The following ADSS2 variants were observed in gnomAD, a reference collection of about 807,000 sequenced individuals.
The protein encoded by ADSS2 is adenylosuccinate synthase 2.
Under a neutral mutation model 60.0 loss-of-function variants are expected in ADSS2, and 30 were observed. The observed-to-expected ratio is 0.50, with a 90% CI of 0.37 to 0.68. ADSS2 has a LOEUF of 0.68. ADSS2 is among the 30% of genes least tolerant of loss of function. The probability of loss-of-function intolerance (pLI) is 0.00; values close to 1 mark genes in which losing one functional copy is unlikely to be tolerated. For synonymous variants in ADSS2, 187 were observed against 193.1 expected (o/e 0.97, Z 0.26); for missense variants, 373 against 554.8 (o/e 0.67, Z 3.29).
Position 244,432,585 on chromosome 1 carries a change from G to A in ADSS2, c.366C>T (p.Gly122=), listed in dbSNP as rs1664970912. 3.2e-6 allele frequency: 5 copies of A among 1,568,000 alleles called. No homozygotes were observed. Among genetic ancestry groups the A allele is most frequent in the Non-Finnish European group, 3.5e-6 (4 of 1,153,020 alleles). The change falls in exon 4 of 13, where the codon GGC becomes GGT. Residue 122 remains glycine, a synonymous_variant. Coordinates refer to ENST00000366535, the MANE Select transcript of ADSS2 (RefSeq NM_001126.5). The part of the protein sequence containing the change: ...KNVQKGKGLE[G]WEKRLIISDR... ...CAGATATAATAAGCCTTTTTTCCCA[G>A]CCTTCTAGTCCTAGAAAGGGGAAAA...
rs1201920523 is a variant in ADSS2, at chr1:244,420,199, G to A, written c.761C>T (p.Ala254Val). Reference protein sequence around the residue: ...GPPKKILVEGANAALLDIDFG... With the variant: ...GPPKKILVEGVNAALLDIDFG... The stretch of plus-strand genomic sequence containing the variant: ...ATCAATATCTAATAGTGCTGCATTT[G>A]CACCTTCTACCAAGATTTTCTTTGG... The change falls in exon 8 of 13, where the codon GCA becomes GTA. Residue 254 changes from alanine (A) to valine (V), a missense_variant. Coordinates refer to ENST00000366535, the MANE Select transcript of ADSS2 (RefSeq NM_001126.5). 6.2e-7 allele frequency: 1 copy of A among 1,613,606 alleles called. No individual in the cohort carries two copies.
At chr1:244,425,904 G>C (rs1223679910) in intron 4 of ADSS2, among the ~76,000 whole-genome samples, 1 of 151,914 alleles carries the variant, frequency 6.6e-6, no homozygotes, top group African/African-American at 2.4e-5. Context: ...GAATGCTCAG[G>C]GTAATAGTAT....
At chr1:244,443,793 G>C (rs1004674994) in intron 1 of ADSS2, among the ~76,000 whole-genome samples, 3 of 152,232 alleles carry the variant, frequency 2.0e-5, no homozygotes, top group Non-Finnish European at 2.9e-5. Flanking sequence ...GAAAGGTTTA[G>C]TGGCTCCTCA....
chr1:244,418,960 C>A, intron 8 of ADSS2, 46 bp from the exon 9 acceptor site: 1 of 1,470,528 alleles, frequency 6.8e-7, no homozygotes, highest in Non-Finnish European at 9.2e-7. Flanking sequence ...ACATGAATAA[C>A]ACATTTTAAA....
chr1:244,413,415 C>T (rs3102460), intron 11 of ADSS2, among the ~76,000 whole-genome samples: 109,982 of 152,018 alleles, frequency 0.72, 39,963 homozygotes, highest in Non-Finnish European at 0.75. Context: ...AGGCAGTGAA[C>T]GACAGGCAGG....
chr1:244,423,043 T>C, intron 6 of ADSS2, 127 bp from the exon 7 acceptor site: 2 of 564,760 alleles, frequency 3.5e-6, no homozygotes, highest in Non-Finnish European at 6.0e-6. Context: ...GAAACTGAAG[T>C]CACCTTCTGA....
chr1:244,427,012 A>G (rs962051384), intron 4 of ADSS2, among the ~76,000 whole-genome samples: 1 of 152,190 alleles, frequency 6.6e-6, no homozygotes, highest in Non-Finnish European at 1.5e-5. Context: ...TAATACATAG[A>G]TATTAAATAA....
chr1:244,421,629 A>G (rs762057431), intron 7 of ADSS2, among the ~76,000 whole-genome samples: 8 of 152,216 alleles, frequency 5.3e-5, no homozygotes, highest in Non-Finnish European at 1.2e-4. Flanking sequence ...GAAAAGCCAT[A>G]CTCATAGTTT....
At chr1:244,425,521 A>C (rs926939615) in intron 4 of ADSS2, among the ~76,000 whole-genome samples, 2 of 152,198 alleles carry the variant, frequency 1.3e-5, no homozygotes, top group East Asian at 3.8e-4. Flanking sequence ...TACTGAAGTT[A>C]TAGATGGTGA....
chr1:244,427,674 T>C (rs773015445), intron 4 of ADSS2, among the ~76,000 whole-genome samples: 3 of 152,184 alleles, frequency 2.0e-5, no homozygotes, highest in Non-Finnish European at 4.4e-5. Flanking sequence ...CTAGTGGCTA[T>C]ATTAATATCA....
intron 4 of ADSS2, among the ~76,000 whole-genome samples, chr1:244,430,462 G>A (rs1028913255): frequency 6.6e-6 from 1 of 152,182 alleles, no homozygotes; most frequent in Admixed American, 6.5e-5. Flanking sequence ...TATATACACT[G>A]ATGCTATACG....
intron 12 of ADSS2, 109 bp downstream of exon 12, chr1:244,411,178 G>A (rs1026196061): frequency 7.1e-6 from 8 of 1,132,988 alleles, no homozygotes; most frequent in East Asian, 2.7e-5. Flanking sequence ...CCGAGATCCC[G>A]CCACTGCACT....
Position 244,424,391 on chromosome 1 carries a change from A to AG in ADSS2, c.407-5dup. ...GCTGCTTGATGAAAATCAAATACTG[A>AG]GGGGAAATAAAACCACAGTTGTTGA... is the stretch of plus-strand genomic sequence containing the variant. On this transcript the variant is annotated splice_region_variant and splice_polypyrimidine_tract_variant and intron_variant, in intron 4 of 12. Coordinates refer to ENST00000366535, the MANE Select transcript of ADSS2 (RefSeq NM_001126.5). 1.9e-6 allele frequency: 3 copies of AG among 1,612,032 alleles called. No homozygotes were observed. The highest frequency in any genetic ancestry group is 1.7e-6 in the Non-Finnish European group (2 of 1,178,624).
chr1:244,451,547 G>A lies in ADSS2; in HGVS notation c.183+88C>T, dbSNP rs1330021055. The A allele has an allele frequency of 2.8e-6, 4 of 1,407,724 alleles. No individual in the cohort carries two copies. The highest frequency in any genetic ancestry group is 4.8e-5 in the Admixed American group (2 of 41,770). The allele number at this position is 1,407,724 out of a possible 1,614,324, so 87.2% of individuals were successfully genotyped here. On this transcript the variant is annotated intron_variant, in intron 1 of 12. Transcript: ENST00000366535. This position sits in a 1 kb window ranked among gnomAD's most constrained non-coding sequence, Gnocchi z 6.6. ...ACACCTCATTTTGGCCAGTGGATCC[G>A]GGTTCTGGGTCCGAGTTCCCGGGCA... is the stretch of plus-strand genomic sequence containing the variant.
At chr1:244,447,565 A>G (rs1221695628) in intron 1 of ADSS2, among the ~76,000 whole-genome samples, 1 of 152,222 alleles carries the variant, frequency 6.6e-6, no homozygotes, top group East Asian at 1.9e-4. Context: ...AGAACCCCAC[A>G]TGGTATTCAG....
Position 244,437,788 on chromosome 1 carries a change from A to G in ADSS2, c.184-20T>C, listed in dbSNP as rs1367184213. The G allele has an allele frequency of 1.3e-6, 2 of 1,503,662 alleles. No individual in the cohort carries two copies. The highest frequency in any genetic ancestry group is 1.9e-6 in the Non-Finnish European group (2 of 1,080,352). 93.1% of individuals were successfully genotyped at this position (1,503,662 alleles called of 1,614,324 possible). On this transcript the variant is annotated intron_variant, in intron 1 of 12. Transcript: ENST00000366535. The stretch of plus-strand genomic sequence containing the variant: ...TCCTCCCTAAAATGTAAGATAGGGG[A>G]AAATTGAGCCTGATGATAAATACTA...
intron 7 of ADSS2, among the ~76,000 whole-genome samples, chr1:244,420,832 T>C (rs1664656824): frequency 6.6e-6 from 1 of 152,034 alleles, no homozygotes; most frequent in South Asian, 2.1e-4. Context: ...CACAGCCTCC[T>C]GGGTAGCTGC....
intron 2 of ADSS2, among the ~76,000 whole-genome samples, 183 bp from the exon 3 acceptor site, chr1:244,437,076 T>G (rs1665122048): frequency 6.6e-6 from 1 of 152,176 alleles, no homozygotes; most frequent in Admixed American, 6.5e-5. Flanking sequence ...TTATACTCAA[T>G]GAAGCTGAAA....
chr1:244,410,645 A>T (rs779926123), intron 12 of ADSS2, among the ~76,000 whole-genome samples: 1 of 152,100 alleles, frequency 6.6e-6, no homozygotes, highest in Non-Finnish European at 1.5e-5. Context: ...AAAACACACA[A>T]CATTTTTTGT....
Sources: allele counts gnomAD v4.1 joint callset (sites outside exome capture counted in the v4.1 genomes callset), GRCh38; gene constraint gnomAD v4.1.1; non-coding constraint Gnocchi (gnomAD v3.1); transcripts MANE v1.5; gene names NCBI Gene and HGNC (gene_info 2026-07-23, HGNC 2026-07-21).